SCAPER: variants seen among roughly 807,000 people sequenced by gnomAD.
The protein encoded by SCAPER is S phase cyclin A-associated protein in the endoplasmic reticulum.
SCAPER carries 98 observed loss-of-function variants against 182.2 expected under a neutral mutation model. The observed-to-expected ratio is 0.54, with a 90% CI of 0.46 to 0.64. The LOEUF is 0.64. SCAPER is among the 30% of genes least tolerant of loss of function. The pLI is 0.00. For synonymous variants in SCAPER, 605 were observed against 564.6 expected, an observed-to-expected ratio of 1.07 and a Z score of -1.01; for missense variants, 1,432 against 1,690.0, an observed-to-expected ratio of 0.85 and a Z score of 2.68.
chr15:76,898,158 T>C (rs910346664), intron 1 of SCAPER, among the ~76,000 whole-genome samples: 1 of 152,178 alleles, frequency 6.6e-6, no homozygotes. Context: ...GAAAACATGT[T>C]GAAATCACTA....
intron 5 of SCAPER, among the ~76,000 whole-genome samples, chr15:76,826,116 A>T (rs930609462): frequency 1.2e-4 from 18 of 152,248 alleles, no homozygotes; most frequent in Admixed American, 5.2e-4. Context: ...AGTTAAAAAA[A>T]TTTTCAATTA....
chr15:76,434,008 T>A (rs2047031090), intron 26 of SCAPER, 70 bp downstream of exon 26: 1 of 1,326,286 alleles, frequency 7.5e-7, no homozygotes, highest in South Asian at 1.4e-5. Flanking sequence ...CACATGGGCC[T>A]TGAGATTTAA....
intron 17 of SCAPER, among the ~76,000 whole-genome samples, chr15:76,719,203 G>T (rs1020852710): frequency 2.0e-5 from 3 of 152,242 alleles, no homozygotes; most frequent in South Asian, 2.1e-4. Flanking sequence ...ATACCATTTA[G>T]CCCTAAAAGG....
intron 4 of SCAPER, among the ~76,000 whole-genome samples, chr15:76,853,782 C>CAGTATTGGCGAGA (rs2071033188): frequency 6.6e-6 from 1 of 152,180 alleles, no homozygotes; most frequent in Non-Finnish European, 1.5e-5. Flanking sequence ...TTTCTCGCCA[C>CAGTATTGGCGAGA]TCCTATTCAA....
chr15:76,644,193 C>G (rs2054349952), intron 21 of SCAPER, among the ~76,000 whole-genome samples: 1 of 152,020 alleles, frequency 6.6e-6, no homozygotes, highest in Non-Finnish European at 1.5e-5. Context: ...CACAGTAGAG[C>G]TGAGGCTACA....
intron 29 of SCAPER, among the ~76,000 whole-genome samples, chr15:76,360,051 TC>T (rs2041290357): frequency 6.6e-6 from 1 of 152,186 alleles, no homozygotes; most frequent in African/African-American, 2.4e-5. Context: ...TGATAAGCTG[TC>T]TCTTACCCTA....
rs190449279 is a variant in SCAPER, at chr15:76,629,378, T to C, written c.2646-7549A>G. ...GCTTCCAGCTTTTGCCCATTCAGTA[T>C]GATATTGGCTGTGGGTTTGTCATAA... On this transcript the variant is annotated intron_variant, in intron 21 of 31. Transcript: ENST00000563290. Among the ~76,000 whole-genome samples, 7 of 152,380 alleles carry C rather than the reference T, an allele frequency of 4.6e-5. No individual in the cohort carries two copies. The East Asian group carries it at 9.6e-4, about 21-fold the overall frequency.
At chr15:76,586,386 T>G (rs1298255037) in intron 22 of SCAPER, among the ~76,000 whole-genome samples, 1 of 152,144 alleles carries the variant, frequency 6.6e-6, no homozygotes, top group Non-Finnish European at 1.5e-5. Flanking sequence ...ATTAATTAAA[T>G]AAATTTAGGG....
rs1211857025 is a variant in SCAPER at position 76,542,582 on chromosome 15, A to AT, written c.2838+31575_2838+31576insA. 7.9e-5 allele frequency among the ~76,000 whole-genome samples: 12 copies of AT among 151,184 alleles called. 1 individual carries two copies. Among genetic ancestry groups the AT allele is most frequent in the South Asian group, 6.2e-4 (3 of 4,808 alleles). ...ATAAAATAAAATAAAATAAAATAAAAAAAAGAATCCACAACCCCTACACAA... is the reference window on the plus strand; with the variant it reads ...ATAAAATAAAATAAAATAAAATAAAATAAAAGAATCCACAACCCCTACACAA... On this transcript the variant is annotated intron_variant, in intron 23 of 31. Coordinates refer to ENST00000563290, the MANE Select transcript of SCAPER (RefSeq NM_020843.4).
At chr15:76,592,854 T>C (rs571250844) in intron 22 of SCAPER, among the ~76,000 whole-genome samples, 1 of 121,290 alleles carries the variant, frequency 8.2e-6, no homozygotes, top group African/African-American at 2.5e-5. Flanking sequence ...TGGGTGCCTA[T>C]GCCACCAGGG....
chr15:76,797,737 C>G (rs1183658212), intron 7 of SCAPER: 1 of 152,172 alleles, frequency 6.6e-6, no homozygotes, highest in African/African-American at 2.4e-5. Flanking sequence ...TGTATAGCTA[C>G]ATACAACATA....
intron 23 of SCAPER, among the ~76,000 whole-genome samples, chr15:76,540,488 C>G (rs922454264): frequency 6.6e-6 from 1 of 151,840 alleles, no homozygotes; most frequent in African/African-American, 2.4e-5. Flanking sequence ...ATATATACTG[C>G]TTAGTGAAAA....
intron 4 of SCAPER, chr15:76,855,669 A>G (rs1023199814): frequency 5.7e-6 from 1 of 174,640 alleles, no homozygotes; most frequent in Non-Finnish European, 1.3e-5. Context: ...TATGAAAAAA[A>G]GCTCAGTATC....
chr15:76,858,953 T>C (rs2071640311), intron 3 of SCAPER, among the ~76,000 whole-genome samples: 1 of 152,218 alleles, frequency 6.6e-6, no homozygotes, highest in Non-Finnish European at 1.5e-5. Context: ...TGTATCTTTA[T>C]GGTAGAACAA....
chr15:76,652,518 TAC>T (rs71143350), intron 21 of SCAPER, among the ~76,000 whole-genome samples: 9,010 of 88,720 alleles, frequency 0.1, 408 homozygotes, highest in Middle Eastern at 0.15. Flanking sequence ...TTTACATACA[TAC>T]ACACACACAC....
rs372131691 is a variant in SCAPER at position 76,381,370 on chromosome 15, C to T, written c.3705+8G>A. On this transcript the variant is annotated splice_region_variant and intron_variant, in intron 28 of 31. Transcript: ENST00000563290. ...TGGTTAACATCGATATAAACCAATACTTGGTACCTGAAAAGCAGGCAGATG... is the reference window on the plus strand; with the variant it reads ...TGGTTAACATCGATATAAACCAATATTTGGTACCTGAAAAGCAGGCAGATG... The T allele has an allele frequency of 1.9e-6, 3 of 1,605,662 alleles. No individual in the cohort carries two copies. The highest frequency in any genetic ancestry group is 1.3e-5 in the African/African-American group (1 of 74,772).
At chr15:76,410,736 A>C (rs1437249643) in intron 26 of SCAPER, among the ~76,000 whole-genome samples, 1 of 151,484 alleles carries the variant, frequency 6.6e-6, no homozygotes, top group Non-Finnish European at 1.5e-5. Flanking sequence ...ATTCCTTCAT[A>C]TATGGCTAAT....
At chr15:76,528,965 A>G (rs1449129133) in intron 23 of SCAPER, among the ~76,000 whole-genome samples, 3 of 152,232 alleles carry the variant, frequency 2.0e-5, no homozygotes, top group Non-Finnish European at 4.4e-5. Context: ...CGTCCTACTC[A>G]TATCTGCCAA....
intron 3 of SCAPER, among the ~76,000 whole-genome samples, chr15:76,858,299 C>T (rs1057324852): frequency 6.6e-6 from 1 of 151,828 alleles, no homozygotes; most frequent in African/African-American, 2.4e-5. Flanking sequence ...ATATAAAACC[C>T]CAATATTTTG....
Sources: allele counts gnomAD v4.1 joint callset (sites outside exome capture counted in the v4.1 genomes callset), GRCh38; gene constraint gnomAD v4.1.1; transcripts MANE v1.5; gene names NCBI Gene and HGNC (gene_info 2026-07-23, HGNC 2026-07-21).